The following TLE1 variants were observed in gnomAD, a reference collection of about 807,000 sequenced individuals.
TLE1 encodes the protein TLE family member 1, transcriptional corepressor.
In TLE1, 21 loss-of-function variants were observed where a neutral mutation model predicts 89.8. The ratio of observed to expected loss-of-function variants is 0.23; its 90% CI spans 0.17 to 0.34. The LOEUF is 0.34. Among genes scored for constraint, TLE1 ranks in the 10% least tolerant of loss-of-function variants. The pLI is 1.00. For missense variants in TLE1, 795 were observed against 1,031.2 expected (o/e 0.77, Z 3.14); for synonymous variants, 447 against 407.6 (o/e 1.10, Z -1.16).
chr9:81,656,035 G>A (rs979384402), intron 4 of TLE1, among the ~76,000 whole-genome samples: 2 of 152,150 alleles, frequency 1.3e-5, no homozygotes, highest in South Asian at 2.1e-4. Context: ...ATGAGACAAG[G>A]TTACAGACAG....
chr9:81,687,847 C>T (rs1199749695), intron 1 of TLE1, among the ~76,000 whole-genome samples: 1 of 152,024 alleles, frequency 6.6e-6, no homozygotes, highest in East Asian at 2.0e-4. Context: ...GGGGCCACCT[C>T]CAGACGCACC....
intron 14 of TLE1, among the ~76,000 whole-genome samples, chr9:81,606,302 C>T (rs1831642966): frequency 6.6e-6 from 1 of 152,178 alleles, no homozygotes; most frequent in South Asian, 2.1e-4. Flanking sequence ...AATCATGCTG[C>T]TATAAAGACA....
At chr9:81,644,317 AC>A (rs1828544664) in intron 6 of TLE1, among the ~76,000 whole-genome samples, 1 of 152,228 alleles carries the variant, frequency 6.6e-6, no homozygotes, top group Non-Finnish European at 1.5e-5. Flanking sequence ...AGTGGAAATA[AC>A]CTAAATATCC....
chr9:81,642,320 C>A (rs927182599), intron 6 of TLE1, among the ~76,000 whole-genome samples: 5 of 152,144 alleles, frequency 3.3e-5, no homozygotes, highest in African/African-American at 7.2e-5. Flanking sequence ...AATATTCTTA[C>A]TGGCTGAGAA....
intron 4 of TLE1, among the ~76,000 whole-genome samples, chr9:81,678,751 A>T (rs1833220858): frequency 6.6e-6 from 1 of 152,192 alleles, no homozygotes; most frequent in Admixed American, 6.5e-5. Flanking sequence ...CATACCTGTA[A>T]TCCCGGCTAC....
intron 14 of TLE1, among the ~76,000 whole-genome samples, chr9:81,595,693 C>T (rs866706493): frequency 1.3e-4 from 20 of 151,748 alleles, no homozygotes; most frequent in African/African-American, 4.8e-4. Context: ...GTGGCGGGCG[C>T]TTGTAGTCCC....
At chr9:81,628,823 A>G (rs982385992) in intron 8 of TLE1, among the ~76,000 whole-genome samples, 8 of 152,144 alleles carry the variant, frequency 5.3e-5, no homozygotes, top group Non-Finnish European at 8.8e-5. Flanking sequence ...GTGCCATATG[A>G]CCTGAAAGAC....
chr9:81,674,229 A>G (rs3889626), intron 4 of TLE1, among the ~76,000 whole-genome samples: 2,489 of 152,264 alleles, frequency 0.016, 70 homozygotes, highest in African/African-American at 0.055. Flanking sequence ...TCTGTAATAC[A>G]TTTACTGCAA....
intron 4 of TLE1, among the ~76,000 whole-genome samples, chr9:81,668,332 C>T (rs1461347821): frequency 6.6e-6 from 1 of 152,068 alleles, no homozygotes; most frequent in Non-Finnish European, 1.5e-5. Context: ...AAAATGAAAT[C>T]TGGGATGCTA....
intron 16 of TLE1, 66 bp downstream of exon 16, chr9:81,590,739 A>G: frequency 1.3e-6 from 2 of 1,573,190 alleles, no homozygotes; most frequent in Non-Finnish European, 1.7e-6. Flanking sequence ...AGCCAGAGAG[A>G]AGCAGAGGTG....
At chr9:81,642,733 A>AAGAAAGAG (rs1828306166) in intron 6 of TLE1, among the ~76,000 whole-genome samples, 1 of 152,112 alleles carries the variant, frequency 6.6e-6, no homozygotes. Context: ...GAAAGAAAGA[A>AAGAAAGAG]AGAGAGAGAA....
intron 8 of TLE1, among the ~76,000 whole-genome samples, chr9:81,623,944 G>A (rs535730295): frequency 9.9e-4 from 151 of 152,124 alleles, no homozygotes; most frequent in Non-Finnish European, 1.8e-3. Context: ...TAATCTGGAG[G>A]ACTAGGATGT....
At chr9:81,602,008 A>C (rs1830986326) in intron 14 of TLE1, among the ~76,000 whole-genome samples, 1 of 152,212 alleles carries the variant, frequency 6.6e-6, no homozygotes, top group African/African-American at 2.4e-5. Context: ...AGCTCTCAAA[A>C]GTGTGAGAAG....
At chr9:81,674,316 A>T (rs1287499052) in intron 4 of TLE1, among the ~76,000 whole-genome samples, 2 of 152,208 alleles carry the variant, frequency 1.3e-5, no homozygotes, top group Non-Finnish European at 2.9e-5. Flanking sequence ...CACTGTACTT[A>T]TAAGAAGCTC....
rs1218610576 is a variant in TLE1 at position 81,689,003 on chromosome 9, G to C, written c.-763C>G. 4 of 151,502 alleles carry C rather than the reference G, an allele frequency of 2.6e-5. No individual in the cohort carries two copies. The highest frequency in any genetic ancestry group is 5.9e-5 in the Non-Finnish European group (4 of 67,846). The allele number at this position is 151,502 out of a possible 1,614,324, so 9.4% of individuals were successfully genotyped here. ...TGCACAAACCCTCCGGGCCCGACGGGGCTACTCCACCGAGAGCAGTCCCGC... is the reference window on the plus strand; with the variant it reads ...TGCACAAACCCTCCGGGCCCGACGGCGCTACTCCACCGAGAGCAGTCCCGC... On this transcript the variant is annotated 5_prime_UTR_variant, in exon 1 of 20. Coordinates refer to ENST00000376499, the MANE Select transcript of TLE1 (RefSeq NM_005077.5).
At chr9:81,657,727 G>A (rs1830309658) in intron 4 of TLE1, among the ~76,000 whole-genome samples, 3 of 152,004 alleles carry the variant, frequency 2.0e-5, no homozygotes, top group African/African-American at 7.3e-5. Context: ...GGATGCTCAA[G>A]TCCTTTATAT....
intron 14 of TLE1, chr9:81,599,883 G>T: frequency 4.0e-6 from 2 of 497,606 alleles, no homozygotes; most frequent in Non-Finnish European, 7.2e-6. Context: ...CTTATTTAGA[G>T]GCATACACTC....
intron 6 of TLE1, among the ~76,000 whole-genome samples, chr9:81,642,931 A>C (rs1051721704): frequency 1.3e-5 from 2 of 152,202 alleles, no homozygotes; most frequent in African/African-American, 2.4e-5. Context: ...ACTTACGACA[A>C]CATGGGCAGA....
chr9:81,634,048 T>C (rs781477842), intron 7 of TLE1, 49 bp downstream of exon 7: 3 of 1,560,188 alleles, frequency 1.9e-6, no homozygotes, highest in South Asian at 2.4e-5. Flanking sequence ...TTTGCAGCAC[T>C]GTAAGAGTAT....
Sources: gnomAD v4.1 joint callset for allele counts (sites outside exome capture counted in the v4.1 genomes callset) on GRCh38, gnomAD v4.1.1 for gene constraint, MANE v1.5 for transcripts, NCBI Gene and HGNC (gene_info 2026-07-23, HGNC 2026-07-21) for gene names.